Variants in PLD1 observed in about 807,000 individuals in gnomAD.
PLD1 encodes choline phosphatase 1.
A neutral mutation model predicts 137.1 loss-of-function variants in PLD1; 112 were observed. The ratio of observed to expected loss-of-function variants is 0.82; its 90% confidence interval spans 0.70 to 0.96. The LOEUF is 0.96. Among genes scored for constraint, PLD1 ranks in the 40% least tolerant of loss-of-function variants. PLD1 has a pLI of 0.00. For synonymous variants in PLD1, 431 were observed against 454.7 expected, an observed-to-expected ratio of 0.95 and a Z score of 0.66; for missense variants, 1,321 against 1,342.0, an observed-to-expected ratio of 0.98 and a Z score of 0.24.
chr3:171,763,527 G>T (rs1345220917), intron 1 of PLD1, among the ~76,000 whole-genome samples: 5 of 54,424 alleles, frequency 9.2e-5, no homozygotes, highest in African/African-American at 2.2e-4. Flanking sequence ...AGGGAGCGGA[G>T]GGGAGGAGAG....
At position 171,603,135 on chromosome 3, in the gene PLD1, G is replaced by A; in HGVS notation, c.3168C>T (p.Ser1056=). 6.2e-7 allele frequency: 1 copy of A among 1,614,034 alleles called. No homozygotes were observed. The highest frequency in any genetic ancestry group is 8.5e-7 in the Non-Finnish European group (1 of 1,179,960). ...CTTTGGTCCCAACAGAAGGCAGTAGGCTTTCTTCAGACAAGAAATAAAAGG... is the reference window on the plus strand; with the variant it reads ...CTTTGGTCCCAACAGAAGGCAGTAGACTTTCTTCAGACAAGAAATAAAAGG... The part of the protein sequence containing the change: ...QFPFYFLSEE[S]LLPSVGTKEA... The change falls in exon 27 of 27, where the codon AGC becomes AGT. Residue 1056 remains serine (S), a synonymous_variant. Coordinates refer to ENST00000351298, the MANE Select transcript of PLD1 (RefSeq NM_002662.5).
At chr3:171,802,549 G>T (rs548497907) in intron 1 of PLD1, among the ~76,000 whole-genome samples, 1 of 152,330 alleles carries the variant, frequency 6.6e-6, no homozygotes, top group Admixed American at 6.5e-5. Context: ...ATGGAACAAA[G>T]CTTGATGTGT....
At chr3:171,689,035 AG>A (rs1714865291) in intron 13 of PLD1, among the ~76,000 whole-genome samples, 159 bp from the exon 14 acceptor site, 1 of 151,994 alleles carries the variant, frequency 6.6e-6, no homozygotes, top group South Asian at 2.1e-4. Flanking sequence ...CTCAGCATTT[AG>A]CAAAAAGAAA....
At chr3:171,638,184 C>CAAA (rs1040418705) in intron 23 of PLD1, among the ~76,000 whole-genome samples, 11 of 66,760 alleles carry the variant, frequency 1.6e-4, no homozygotes, top group Non-Finnish European at 2.1e-4. Flanking sequence ...GACTCCGTCT[C>CAAA]AAAAAAAAAA....
intron 23 of PLD1, 56 bp downstream of exon 23, chr3:171,642,784 G>T: frequency 1.1e-6 from 1 of 923,402 alleles, no homozygotes; most frequent in Non-Finnish European, 1.7e-6. Flanking sequence ...AATGATTACT[G>T]ATACCTCACC....
chr3:171,743,752 G>A (rs370435688), intron 1 of PLD1, among the ~76,000 whole-genome samples: 18 of 152,144 alleles, frequency 1.2e-4, no homozygotes, highest in African/African-American at 2.7e-4. Flanking sequence ...GAAGAAGCAC[G>A]TCCACTGAGC....
rs138866022 is a variant in PLD1 at position 171,699,945 on chromosome 3, T to C, written c.1146-119A>G. The C allele has an allele frequency of 4.4e-4, 324 of 741,726 alleles. 2 individuals are homozygous for C. The African/African-American group carries it at 5.1e-3, about 12-fold the overall frequency. The allele number at this position is 741,726 out of a possible 1,614,324, so 45.9% of individuals were successfully genotyped here. On this transcript the variant is annotated intron_variant, in intron 11 of 26. Transcript: ENST00000351298. The stretch of plus-strand genomic sequence containing the variant: ...ACCCCATTATCATCCTCCATTGTGA[T>C]GGGTAATCCAAAGCTTTACTATGAG...
At chr3:171,607,191 A>G (rs147628610) in intron 25 of PLD1, among the ~76,000 whole-genome samples, 11 of 152,296 alleles carry the variant, frequency 7.2e-5, no homozygotes, top group African/African-American at 2.6e-4. Context: ...CACGAGAATA[A>G]CTTTTTTTAA....
chr3:171,720,032 C>T (rs6445017), intron 8 of PLD1, among the ~76,000 whole-genome samples: 53,785 of 151,896 alleles, frequency 0.35, 10,549 homozygotes, highest in African/African-American at 0.5. Flanking sequence ...CTGTGCCTCC[C>T]GCCTGTAATC....
chr3:171,727,189 T>C (rs1560255410), intron 6 of PLD1, among the ~76,000 whole-genome samples: 1 of 152,206 alleles, frequency 6.6e-6, no homozygotes, highest in Non-Finnish European at 1.5e-5. Context: ...ATGGGCAGGA[T>C]TTGGTCCACG....
chr3:171,771,096 A>G (rs1474614989), intron 1 of PLD1: 1 of 152,162 alleles, frequency 6.6e-6, no homozygotes. Flanking sequence ...ATTATTTTCT[A>G]AAAGAACGCA....
chr3:171,639,848 C>CTCTCTCTATATATATATATATA (rs3050415), intron 23 of PLD1, among the ~76,000 whole-genome samples: 11 of 110,204 alleles, frequency 1.0e-4, no homozygotes, highest in African/African-American at 4.3e-4. Context: ...CTCTCTCTCT[C>CTCTCTCTATATATATATATATA]TATATATATA....
intron 19 of PLD1, 145 bp from the exon 20 acceptor site, chr3:171,662,315 G>A: frequency 1.8e-6 from 1 of 561,916 alleles, no homozygotes; most frequent in South Asian, 2.4e-5. Flanking sequence ...AAGGAGAGTA[G>A]TGGGGTGGGG....
chr3:171,710,281 T>G (rs990196712), intron 9 of PLD1, among the ~76,000 whole-genome samples: 1 of 152,076 alleles, frequency 6.6e-6, no homozygotes, highest in African/African-American at 2.4e-5. Flanking sequence ...CAGGATGGTC[T>G]CGATCTCCTG....
intron 1 of PLD1, among the ~76,000 whole-genome samples, chr3:171,763,045 G>A (rs983054793): frequency 6.6e-6 from 1 of 152,056 alleles, no homozygotes; most frequent in African/African-American, 2.4e-5. Context: ...TATTCATATT[G>A]TGAGATGGTG....
At chr3:171,693,298 A>T (rs1158020706) in intron 12 of PLD1, among the ~76,000 whole-genome samples, 1 of 152,258 alleles carries the variant, frequency 6.6e-6, no homozygotes, top group East Asian at 1.9e-4. Flanking sequence ...CGACGTCTGC[A>T]CATTACCCAT....
chr3:171,711,478 G>A (rs1198671908), intron 9 of PLD1, among the ~76,000 whole-genome samples: 3 of 151,820 alleles, frequency 2.0e-5, no homozygotes, highest in African/African-American at 7.3e-5. Context: ...CAGGAAAACT[G>A]TTCTTTTGCA....
At chr3:171,764,887 GAA>G (rs1174163137) in intron 1 of PLD1, among the ~76,000 whole-genome samples, 12 of 22,454 alleles carry the variant, frequency 5.3e-4, no homozygotes, top group Admixed American at 1.0e-3. Flanking sequence ...AAGAAAGAAA[GAA>G]AGAAAGGAAG....
intron 1 of PLD1, among the ~76,000 whole-genome samples, chr3:171,780,909 C>T (rs1458691602): frequency 6.6e-6 from 1 of 152,200 alleles, no homozygotes; most frequent in Non-Finnish European, 1.5e-5. Flanking sequence ...ATAGATCCAA[C>T]ACAATACCAA....
Sources: allele counts gnomAD v4.1 joint callset (sites outside exome capture counted in the v4.1 genomes callset), GRCh38; gene constraint gnomAD v4.1.1; transcripts MANE v1.5; gene names NCBI Gene and HGNC (gene_info 2026-07-23, HGNC 2026-07-21).